Variants in AOC3 observed in about 807,000 individuals in gnomAD.
The protein encoded by AOC3 is amine oxidase copper containing 3, also known as amine oxidase [copper-containing] 3.
A neutral mutation model predicts 55.4 loss-of-function variants in AOC3; 47 were observed. The observed-to-expected ratio is 0.85, with a 90% CI of 0.67 to 1.08. AOC3 has a LOEUF of 1.08. Among genes scored for constraint, AOC3 ranks in the 50% least tolerant of loss-of-function variants. The pLI is 0.00. For synonymous variants in AOC3, 386 were observed against 410.7 expected (o/e 0.94, Z 0.73); for missense variants, 853 against 993.1 (o/e 0.86, Z 1.90).
At position 42,852,115 on chromosome 17, in the gene AOC3, C is replaced by T. The variant is rs773814188; in HGVS notation, c.772C>T (p.Arg258Cys). The change falls in exon 1 of 4, where the codon CGC becomes TGC. Residue 258 changes from arginine (R) to cysteine (C), a missense_variant. Transcript: ENST00000308423. ...LVNHKALDPARWTIQKVFYQG... is the reference protein window; with the variant it reads ...LVNHKALDPACWTIQKVFYQG... Reference sequence around the variant, plus strand: ...GAACCACAAGGCCCTTGACCCTGCCCGCTGGACTATCCAGAAGGTGTTCTA... The same window carrying T: ...GAACCACAAGGCCCTTGACCCTGCCTGCTGGACTATCCAGAAGGTGTTCTA... 19 of 1,613,772 alleles carry T rather than the reference C, an allele frequency of 1.2e-5. No homozygotes were observed. Among genetic ancestry groups the T allele is most frequent in the South Asian group, 2.2e-5 (2 of 91,074 alleles).
Position 42,852,529 on chromosome 17 carries a change from A to C in AOC3, c.1186A>C (p.Thr396Pro). ...DGGFGMGKYT[T>P]PLTRGVDCPY... ...AGGCTTTGGCATGGGCAAGTACACC[A>C]CGCCCCTGACCCGTGGGGTGGACTG... The change falls in exon 1 of 4, where the codon ACG becomes CCG. Residue 396 changes from threonine (T) to proline (P), a missense_variant. By Grantham distance (38) the Thr-to-Pro change is conservative. Transcript: ENST00000308423. The C allele has an allele frequency of 6.2e-7, 1 of 1,614,188 alleles. No homozygotes were observed. The highest frequency in any genetic ancestry group is 8.5e-7 in the Non-Finnish European group (1 of 1,180,038).
At position 42,852,721 on chromosome 17, in the gene AOC3, C is replaced by T; in HGVS notation, c.1378C>T (p.Leu460=). 3 of 1,614,248 alleles carry T rather than the reference C, an allele frequency of 1.9e-6. No individual in the cohort carries two copies. The highest frequency in any genetic ancestry group is 2.5e-6 in the Non-Finnish European group (3 of 1,180,054). The change falls in exon 1 of 4, where the codon CTG becomes TTG. Residue 460 remains leucine (L), a synonymous_variant. Transcript: ENST00000308423. ...HYFGGLAETV[L]VVRSMSTLLN... ...CTTTGGGGGTCTTGCGGAAACGGTGCTGGTCGTCAGATCTATGTCCACCTT... is the reference window on the plus strand; with the variant it reads ...CTTTGGGGGTCTTGCGGAAACGGTGTTGGTCGTCAGATCTATGTCCACCTT...
In AOC3 at chr17:42,856,520, C is replaced by T. The variant is rs762991031; in HGVS notation, c.2262C>T (p.Ala754=). The T allele has an allele frequency of 6.2e-6, 10 of 1,607,922 alleles. No homozygotes were observed. Among genetic ancestry groups the T allele is most frequent in the Admixed American group, 1.7e-5 (1 of 59,752 alleles). ...QAAACAPDLP[A]FSHGGFSHN ...CTGCCTGTGCCCCCGACCTCCCTGCCTTCTCCCACGGGGGCTTCTCTCACA... is the reference window on the plus strand; with the variant it reads ...CTGCCTGTGCCCCCGACCTCCCTGCTTTCTCCCACGGGGGCTTCTCTCACA... Residue 754 remains alanine (A), a synonymous_variant, in exon 4 of 4, where the codon GCC becomes GCT. Coordinates refer to ENST00000308423, the MANE Select transcript of AOC3 (RefSeq NM_003734.4).
rs775271355 is a variant in AOC3 at position 42,852,524 on chromosome 17, A to G, written c.1181A>G (p.Tyr394Cys). The G allele has an allele frequency of 1.2e-6, 2 of 1,614,224 alleles. No homozygotes were observed. ...YVDGGFGMGKYTTPLTRGVDC... is the reference protein window; with the variant it reads ...YVDGGFGMGKCTTPLTRGVDC... ...GATGGAGGCTTTGGCATGGGCAAGTACACCACGCCCCTGACCCGTGGGGTG... is the reference window on the plus strand; with the variant it reads ...GATGGAGGCTTTGGCATGGGCAAGTGCACCACGCCCCTGACCCGTGGGGTG... The change falls in exon 1 of 4, where the codon TAC (tyrosine) becomes TGC (cysteine). Residue 394 changes from tyrosine to cysteine, a missense_variant. Transcript: ENST00000308423.
rs141617446 is a variant in AOC3, at chr17:42,852,606, C to T, written c.1263C>T (p.Ala421=). 6.2e-7 allele frequency: 1 copy of T among 1,614,196 alleles called. No individual in the cohort carries two copies. ...VDWHFLLESQ[A]PKTIRDAFCV... is the part of the protein sequence containing the mutation. ...GGCACTTCCTTTTGGAGTCCCAGGC[C>T]CCCAAGACAATACGTGATGCCTTTT... The change falls in exon 1 of 4, where the codon GCC becomes GCT. Residue 421 remains alanine (A), a synonymous_variant. Coordinates refer to ENST00000308423, the MANE Select transcript of AOC3 (RefSeq NM_003734.4).
At position 42,855,495 on chromosome 17, in the gene AOC3, C is replaced by T. The variant is rs112608517; in HGVS notation, c.1938C>T (p.Ser646=). ...AGGAGGAGGAGCCCAGTAGCAGCAG[C>T]GTTTTCAATCAGAATGACCCTTGGG... The part of the protein sequence containing the change: ...QRKEEEPSSS[S]VFNQNDPWAP... The change falls in exon 3 of 4, where the codon AGC becomes AGT. Residue 646 remains serine (S), a synonymous_variant. Transcript: ENST00000308423. 8 of 1,613,028 alleles carry T rather than the reference C, an allele frequency of 5.0e-6. No individual in the cohort carries two copies. Among genetic ancestry groups the T allele is most frequent in the African/African-American group, 4.0e-5 (3 of 75,018 alleles).
rs770810614 is a variant in AOC3 at position 42,852,010 on chromosome 17, C to T, written c.667C>T (p.Arg223Trp). The change falls in exon 1 of 4, where the codon CGG becomes TGG. Residue 223 changes from arginine to tryptophan, a missense_variant. Physicochemically the swap from Arg to Trp is moderately radical, Grantham distance 101. Coordinates refer to ENST00000308423, the MANE Select transcript of AOC3 (RefSeq NM_003734.4). ...TCCCCGTGGTCTGCAATCAGGGGACCGGGCCACCTGGTTTGGCCTCTACTA... is the reference window on the plus strand; with the variant it reads ...TCCCCGTGGTCTGCAATCAGGGGACTGGGCCACCTGGTTTGGCCTCTACTA... ...TAPRGLQSGD[R>W]ATWFGLYYNI... 1.5e-5 allele frequency: 25 copies of T among 1,613,736 alleles called. No homozygotes were observed. The highest frequency in any genetic ancestry group is 3.3e-5 in the South Asian group (3 of 91,068).
intron 2 of AOC3, among the ~76,000 whole-genome samples, 173 bp from the exon 3 acceptor site, chr17:42,855,271 A>T (rs1316978480): frequency 6.6e-6 from 1 of 152,184 alleles, no homozygotes; most frequent in African/African-American, 2.4e-5. Context: ...ATGGCTGGGG[A>T]TAAACAGGAG....
intron 1 of AOC3, chr17:42,853,439 A>C: frequency 1.0e-6 from 1 of 987,290 alleles, no homozygotes; most frequent in Non-Finnish European, 1.2e-6. Context: ...CTCTGGGCAC[A>C]ATTCACCTAA....
rs1194318784 is a variant in AOC3, at chr17:42,851,384, T to C, written c.41T>C (p.Val14Ala). 1.9e-6 allele frequency: 3 copies of C among 1,611,806 alleles called. No individual in the cohort carries two copies. The highest frequency in any genetic ancestry group is 2.5e-6 in the Non-Finnish European group (3 of 1,178,722). Residue 14 changes from valine to alanine, a missense_variant, in exon 1 of 4, where the codon GTC (valine) becomes GCC (alanine). Transcript: ENST00000308423. ...ATCCTCGTGCTCCTCATTCTGGCCG[T>C]CATCACCATCTTTGCCTTGGTTTGT... ...KTILVLLILA[V>A]ITIFALVCVL...
At position 42,851,907 on chromosome 17, in the gene AOC3, G is replaced by A. The variant is rs1180705032; in HGVS notation, c.564G>A (p.Leu188=). 6.2e-7 allele frequency: 1 copy of A among 1,613,714 alleles called. No homozygotes were observed. Among genetic ancestry groups the A allele is most frequent in the East Asian group, 2.2e-5 (1 of 44,878 alleles). Residue 188 remains leucine (L), a synonymous_variant, in exon 1 of 4, where the codon CTG becomes CTA. Transcript: ENST00000308423. ...ACCAGATGATCTTCAACAGAGAGCT[G>A]CCCCAGGCTTCTGGGCTTCTCCACC... ...DIDQMIFNRE[L]PQASGLLHHC...
In AOC3 at chr17:42,852,613, A is replaced by G. The variant is rs2055688892; in HGVS notation, c.1270A>G (p.Thr424Ala). ...CCTTTTGGAGTCCCAGGCCCCCAAG[A>G]CAATACGTGATGCCTTTTGTGTGTT... ...HFLLESQAPK[T>A]IRDAFCVFEQ... The change falls in exon 1 of 4, where the codon ACA (threonine) becomes GCA (alanine). Residue 424 changes from threonine to alanine, a missense_variant. By Grantham distance (58) the Thr-to-Ala change is moderately conservative. Coordinates refer to ENST00000308423, the MANE Select transcript of AOC3 (RefSeq NM_003734.4). 6.2e-7 allele frequency: 1 copy of G among 1,614,186 alleles called. No individual in the cohort carries two copies. Among genetic ancestry groups the G allele is most frequent in the South Asian group, 1.1e-5 (1 of 91,076 alleles).
Position 42,852,770 on chromosome 17 carries a change from A to C in AOC3, c.1427A>C (p.Asp476Ala), listed in dbSNP as rs370377572. ...STLLNYDYVW[D>A]TVFHPSGAIE... ...TTGCTCAACTATGACTATGTGTGGG[A>C]TACGGTCTTCCACCCCAGTGGGGCC... Residue 476 changes from aspartate (D) to alanine (A), a missense_variant, in exon 1 of 4, where the codon GAT becomes GCT. Physicochemically the swap from Asp to Ala is moderately radical, Grantham distance 126 (BLOSUM62 -2). Transcript: ENST00000308423. The C allele has an allele frequency of 1.9e-6, 3 of 1,613,952 alleles. No homozygotes were observed. Among genetic ancestry groups the C allele is most frequent in the Non-Finnish European group, 8.5e-7 (1 of 1,179,940 alleles).
rs1047330331 is a variant in AOC3, at chr17:42,857,674, A to C, written c.*1124A>C. The C allele has an allele frequency of 6.6e-6, 1 of 152,292 alleles. No homozygotes were observed. Among genetic ancestry groups the C allele is most frequent in the Non-Finnish European group, 1.5e-5 (1 of 68,052 alleles). The allele number at this position is 152,292 out of a possible 1,614,324, so 9.4% of individuals were successfully genotyped here. A position where few individuals can be genotyped will look rare whatever the true frequency, so the allele number is the denominator to read the frequency against. On this transcript the variant is annotated 3_prime_UTR_variant, in exon 4 of 4. Coordinates refer to ENST00000308423, the MANE Select transcript of AOC3 (RefSeq NM_003734.4). ...CTGGCCTGGTCCAGGCTTGGGCTCCATTCCCATCACTGCTGTCCCTCCTGA... is the reference window on the plus strand; with the variant it reads ...CTGGCCTGGTCCAGGCTTGGGCTCCCTTCCCATCACTGCTGTCCCTCCTGA...
chr17:42,856,742 A>T lies in AOC3; in HGVS notation c.*192A>T. On this transcript the variant is annotated 3_prime_UTR_variant, in exon 4 of 4. Transcript: ENST00000308423. ...CCCTGTGATGCCTGACACAGGGGAC[A>T]CTGAACCTTGTTGATGCCAGCTGTA... 1 of 666,798 alleles carries T rather than the reference A, an allele frequency of 1.5e-6. No individual in the cohort carries two copies. The highest frequency in any genetic ancestry group is 2.5e-6 in the Non-Finnish European group (1 of 398,476). The allele number at this position is 666,798 out of a possible 1,614,324, so 41.3% of individuals were successfully genotyped here.
At chr17:42,855,984 G>A (rs1180938478) in intron 3 of AOC3, among the ~76,000 whole-genome samples, 1 of 152,206 alleles carries the variant, frequency 6.6e-6, no homozygotes, top group African/African-American at 2.4e-5. Flanking sequence ...CAGTTGTGGG[G>A]AACTCTTGGA....
chr17:42,854,419 CAG>C, intron 1 of AOC3, 27 bp from the exon 2 acceptor site: 2 of 1,455,030 alleles, frequency 1.4e-6, no homozygotes, highest in Non-Finnish European at 1.8e-6. Context: ...AGTTGCCTGA[CAG>C]GCCCTCCCCT....
rs779415396 is a variant in AOC3, at chr17:42,855,467, G to A, written c.1910G>A (p.Arg637Gln). The change falls in exon 3 of 4, where the codon CGG (arginine) becomes CAG (glutamine). Residue 637 changes from arginine to glutamine, a missense_variant. Transcript: ENST00000308423. ...WERYQLAVTQRKEEEPSSSSV... is the reference protein window; with the variant it reads ...WERYQLAVTQQKEEEPSSSSV... ...AGGTACCAGCTGGCTGTGACCCAGC[G>A]GAAGGAGGAGGAGCCCAGTAGCAGC... 15 of 1,608,700 alleles carry A rather than the reference G, an allele frequency of 9.3e-6. No individual in the cohort carries two copies. In the East Asian group the frequency reaches 2.2e-4, roughly 24 times the overall value.
intron 1 of AOC3, among the ~76,000 whole-genome samples, chr17:42,853,525 A>G (rs1189922206): frequency 5.3e-5 from 8 of 152,062 alleles, no homozygotes; most frequent in Admixed American, 3.9e-4. Flanking sequence ...AGCCAAGGCT[A>G]CATGATGGCT....
Sources: allele counts gnomAD v4.1 joint callset (sites outside exome capture counted in the v4.1 genomes callset), GRCh38; gene constraint gnomAD v4.1.1; transcripts MANE v1.5; gene names NCBI Gene and HGNC (gene_info 2026-07-23, HGNC 2026-07-21).